Variants in BTN3A2 observed in about 807,000 individuals in gnomAD.
The protein encoded by BTN3A2 is butyrophilin subfamily 3 member A2, also known as butyrophilin protein.
A neutral mutation model predicts 37.6 loss-of-function variants in BTN3A2; 25 were observed. That is an observed-to-expected ratio of 0.66 (90% CI 0.48 to 0.93). The LOEUF is 0.93. BTN3A2 is among the 40% of genes least tolerant of loss of function. The pLI is 0.00. For synonymous variants in BTN3A2, 122 were observed against 159.4 expected (o/e 0.77, Z 1.77); for missense variants, 266 against 410.9 (o/e 0.65, Z 3.05).
intron 5 of BTN3A2, 95 bp downstream of exon 5, chr6:26,370,698 C>A (rs1301630524): frequency 6.4e-7 from 1 of 1,565,720 alleles, no homozygotes; most frequent in African/African-American, 1.3e-5. Context: ...TGGGTCTCTG[C>A]ACTGAATATA....
rs1760756070 is a variant in BTN3A2 at position 26,377,060 on chromosome 6, G to A, written c.*1298G>A. ...CTCTGTATCCTGTATTCAGAATTTT[G>A]ACCTTGGAGCCCACTGCCCTGACCG... On this transcript the variant is annotated 3_prime_UTR_variant, in exon 11 of 11. Transcript: ENST00000377708. 10 of 1,386,450 alleles carry A rather than the reference G, an allele frequency of 7.2e-6. No homozygotes were observed. In the Admixed American group the frequency reaches 1.7e-4, roughly 24 times the overall value. 85.9% of individuals were successfully genotyped at this position (1,386,450 alleles called of 1,614,324 possible). A position where few individuals can be genotyped will look rare whatever the true frequency, so the allele number is the denominator to read the frequency against.
intron 10 of BTN3A2, 154 bp from the exon 11 acceptor site, chr6:26,375,643 G>A (rs1438814587): frequency 6.7e-7 from 1 of 1,497,214 alleles, no homozygotes; most frequent in Non-Finnish European, 8.9e-7. Flanking sequence ...GTGAATCTAG[G>A]GCATATAAGG....
In BTN3A2 at chr6:26,376,482, C is replaced by T. The variant is rs1420850171; in HGVS notation, c.*720C>T. 8 of 1,134,634 alleles carry T rather than the reference C, an allele frequency of 7.1e-6. No individual in the cohort carries two copies. Among genetic ancestry groups the T allele is most frequent in the Non-Finnish European group, 9.5e-6 (8 of 838,688 alleles). The allele number at this position is 1,134,634 out of a possible 1,614,324, so 70.3% of individuals were successfully genotyped here. The stretch of plus-strand genomic sequence containing the variant: ...TAGGGACACGGGGTTCTGGAAGGAC[C>T]TCCTCAGCATGGCCCAAGCCTTGCA... On this transcript the variant is annotated 3_prime_UTR_variant, in exon 11 of 11. Coordinates refer to ENST00000377708, the MANE Select transcript of BTN3A2 (RefSeq NM_007047.5).
chr6:26,377,157 C>G lies in BTN3A2; in HGVS notation c.*1395C>G, dbSNP rs9366655. The G allele has an allele frequency of 0.096, 121,149 of 1,261,520 alleles. 6,716 individuals are homozygous for G. The highest frequency in any genetic ancestry group is 0.14 in the East Asian group (6,182 of 43,132). 78.1% of individuals were successfully genotyped at this position (1,261,520 alleles called of 1,614,324 possible). On this transcript the variant is annotated 3_prime_UTR_variant, in exon 11 of 11. Transcript: ENST00000377708. The stretch of plus-strand genomic sequence containing the variant: ...GCCTGATCATTCCCTGGAGATACCA[C>G]TGACCCCAGGCTTAGCTAATGAAAG...
At chr6:26,373,139 G>T in intron 6 of BTN3A2, 42 bp downstream of exon 6, 4 of 1,608,770 alleles carry the variant, frequency 2.5e-6, no homozygotes, top group Non-Finnish European at 2.5e-6. Flanking sequence ...TGGCTTGCAT[G>T]CCCCAGCCTG....
intron 6 of BTN3A2, 57 bp downstream of exon 6, chr6:26,373,154 C>T: frequency 6.2e-7 from 1 of 1,605,406 alleles, no homozygotes; most frequent in Admixed American, 1.7e-5. Flanking sequence ...AGCCTGAAAA[C>T]CTCACCTCTC....
chr6:26,373,292 A>G lies in BTN3A2; in HGVS notation c.933A>G (p.Glu311=), dbSNP rs755762590. 7 of 1,594,834 alleles carry G rather than the reference A, an allele frequency of 4.4e-6. No individual in the cohort carries two copies. In the Admixed American group the frequency reaches 1.1e-4, roughly 24 times the overall value. ...EISLRESLQE[E]LKRKKIQYLT... ...ATTTTCCAGAGAGCCTCCAGGAGGA[A>G]CTCAGTAAGTTACCATTCCCCCAGA... Residue 311 remains glutamate, a synonymous_variant, in exon 7 of 11, where the codon GAA becomes GAG. Coordinates refer to ENST00000377708, the MANE Select transcript of BTN3A2 (RefSeq NM_007047.5).
At chr6:26,375,332 C>A (rs1561811226) in intron 10 of BTN3A2, 2 of 348,664 alleles carry the variant, frequency 5.7e-6, no homozygotes, top group Non-Finnish European at 1.1e-5. Flanking sequence ...CCACCCCTAG[C>A]CTGGGAGGGC....
rs536220251 is a variant in BTN3A2 at position 26,377,019 on chromosome 6, G to T, written c.*1257G>T. 8.5e-6 allele frequency: 12 copies of T among 1,415,670 alleles called. 1 individual carries two copies. In the South Asian group the frequency reaches 1.3e-4, roughly 15 times the overall value. 87.7% of individuals were successfully genotyped at this position (1,415,670 alleles called of 1,614,324 possible). On this transcript the variant is annotated 3_prime_UTR_variant, in exon 11 of 11. Coordinates refer to ENST00000377708, the MANE Select transcript of BTN3A2 (RefSeq NM_007047.5). ...ATCTCATATCTACACATTTCTGCAC[G>T]CCTCTTCCTCTGAGCCTCTGTATCC...
At chr6:26,372,302 G>A (rs912348674) in intron 5 of BTN3A2, among the ~76,000 whole-genome samples, 4 of 152,094 alleles carry the variant, frequency 2.6e-5, no homozygotes, top group Admixed American at 2.6e-4. Flanking sequence ...AACACTTACT[G>A]TACATCAGGC....
chr6:26,365,692 G>A (rs1439825159), intron 1 of BTN3A2, among the ~76,000 whole-genome samples: 1 of 151,908 alleles, frequency 6.6e-6, no homozygotes, highest in Non-Finnish European at 1.5e-5. Flanking sequence ...TCAGAAAAGG[G>A]CAAACAAACA....
intron 9 of BTN3A2, 94 bp downstream of exon 9, chr6:26,374,467 A>C (rs985348183): frequency 1.5e-6 from 2 of 1,364,462 alleles, no homozygotes; most frequent in Admixed American, 3.5e-5. Flanking sequence ...ATCTAATCTA[A>C]AGACTCAATT....
chr6:26,371,560 A>G (rs941439747), intron 5 of BTN3A2, among the ~76,000 whole-genome samples: 8 of 152,208 alleles, frequency 5.3e-5, no homozygotes, highest in East Asian at 1.9e-4. Context: ...CTCTATAGCA[A>G]TATCTATCCA....
At position 26,374,312 on chromosome 6, in the gene BTN3A2, T is replaced by C. The variant is rs772546747; in HGVS notation, c.965-15T>C. ...GCAGAGTTCTGGTGACACCTCTACC[T>C]TTCTTTCATTGTAGGTGGAGAGGAG... On this transcript the variant is annotated splice_polypyrimidine_tract_variant and intron_variant, in intron 8 of 10. Coordinates refer to ENST00000377708, the MANE Select transcript of BTN3A2 (RefSeq NM_007047.5). 3.3e-5 allele frequency: 53 copies of C among 1,611,056 alleles called. No individual in the cohort carries two copies. The Admixed American group carries it at 5.3e-4, about 16-fold the overall frequency.
intron 4 of BTN3A2, among the ~76,000 whole-genome samples, chr6:26,369,376 C>T (rs62394813): frequency 6.6e-6 from 1 of 152,202 alleles, no homozygotes; most frequent in South Asian, 2.1e-4. Flanking sequence ...GTATTTCTTA[C>T]GTGTTGCAGT....
At chr6:26,371,030 C>T (rs1402227632) in intron 5 of BTN3A2, among the ~76,000 whole-genome samples, 5 of 152,002 alleles carry the variant, frequency 3.3e-5, no homozygotes, top group Non-Finnish European at 7.4e-5. Context: ...TTTGGGAGGC[C>T]GAGGCAGGCA....
intron 2 of BTN3A2, 45 bp from the exon 3 acceptor site, chr6:26,368,133 G>C (rs1353372005): frequency 4.4e-6 from 7 of 1,607,694 alleles, no homozygotes; most frequent in Non-Finnish European, 6.0e-6. Flanking sequence ...CTTCTTCCAG[G>C]CCATAGTGTC....
Position 26,365,226 on chromosome 6 carries a change from A to G in BTN3A2, c.-193A>G. 7.5e-7 allele frequency: 1 copy of G among 1,325,920 alleles called. No individual in the cohort carries two copies. The highest frequency in any genetic ancestry group is 1.5e-5 in the African/African-American group (1 of 68,642). The allele number at this position is 1,325,920 out of a possible 1,614,324, so 82.1% of individuals were successfully genotyped here. On this transcript the variant is annotated 5_prime_UTR_variant, in exon 1 of 11. Transcript: ENST00000377708. ...TCTTACTGTTTCTCATGGTGAGAAG[A>G]CAATATTTGCTTTCTCTTTTTCCTT...
intron 4 of BTN3A2, among the ~76,000 whole-genome samples, chr6:26,369,903 T>C (rs1003922118): frequency 6.6e-6 from 1 of 152,080 alleles, no homozygotes; most frequent in Non-Finnish European, 1.5e-5. Flanking sequence ...TTAGGTTTGG[T>C]TTAAGGGGAT....
Sources: gnomAD v4.1 joint callset for allele counts (sites outside exome capture counted in the v4.1 genomes callset) on GRCh38, gnomAD v4.1.1 for gene constraint, MANE v1.5 for transcripts, NCBI Gene and HGNC (gene_info 2026-07-23, HGNC 2026-07-21) for gene names.